LRMDA: variants seen among roughly 807,000 people sequenced by gnomAD.
LRMDA encodes leucine-rich melanocyte differentiation-associated protein.
Under a neutral mutation model 29.8 loss-of-function variants are expected in LRMDA, and 18 were observed. The observed-to-expected ratio is 0.60, with a 90% CI of 0.42 to 0.90. The LOEUF (loss-of-function observed/expected upper bound fraction) is 0.90, where lower values mean the gene tolerates loss of function less well. Among genes scored for constraint, LRMDA ranks in the 40% least tolerant of loss-of-function variants. The pLI, the probability that LRMDA is intolerant of heterozygous loss-of-function variation, is 0.00. For missense variants in LRMDA, 273 were observed against 273.9 expected, an observed-to-expected ratio of 1.00 and a Z score of 0.02; for synonymous variants, 125 against 109.4, an observed-to-expected ratio of 1.14 and a Z score of -0.89.
At chr10:76,377,620 A>G (rs1324750276) in intron 6 of LRMDA, among the ~76,000 whole-genome samples, 1 of 152,186 alleles carries the variant, frequency 6.6e-6, no homozygotes, top group Non-Finnish European at 1.5e-5. Context: ...TCCCAGCACC[A>G]TTTATTAAAT....
intron 6 of LRMDA, among the ~76,000 whole-genome samples, chr10:76,378,858 C>T (rs367820266): frequency 1.6e-3 from 188 of 118,828 alleles, no homozygotes; most frequent in Non-Finnish European, 1.8e-3. Context: ...CTTTTTTTTT[C>T]TTTTTTTTTT....
At chr10:75,547,718 G>A (rs1840096316) in intron 2 of LRMDA, among the ~76,000 whole-genome samples, 1 of 152,142 alleles carries the variant, frequency 6.6e-6, no homozygotes, top group African/African-American at 2.4e-5. Flanking sequence ...AAAAAGAAAG[G>A]TGGGCTGTTA....
At chr10:75,690,591 A>G (rs1842132778) in intron 2 of LRMDA, among the ~76,000 whole-genome samples, 2 of 152,100 alleles carry the variant, frequency 1.3e-5, no homozygotes, top group African/African-American at 2.4e-5. Flanking sequence ...TGGGGATTAC[A>G]TGCGTGAGCC....
At chr10:76,318,210 C>T (rs1047371571) in intron 5 of LRMDA, 2 of 152,094 alleles carry the variant, frequency 1.3e-5, no homozygotes, top group African/African-American at 4.8e-5. Flanking sequence ...ATGTAATAGC[C>T]CATAAAATGC....
At chr10:75,945,521 G>A (rs1409183419) in intron 2 of LRMDA, among the ~76,000 whole-genome samples, 1 of 152,120 alleles carries the variant, frequency 6.6e-6, no homozygotes, top group Non-Finnish European at 1.5e-5. Flanking sequence ...TCTGTTAAGG[G>A]CCAGCTTCCA....
At chr10:76,553,155 C>G (rs1290900335) in intron 6 of LRMDA, among the ~76,000 whole-genome samples, 2 of 152,148 alleles carry the variant, frequency 1.3e-5, no homozygotes, top group East Asian at 1.9e-4. Flanking sequence ...GGATGTTGCC[C>G]TGTCATTTTT....
At chr10:75,913,933 T>G (rs976932012) in intron 2 of LRMDA, among the ~76,000 whole-genome samples, 11 of 152,214 alleles carry the variant, frequency 7.2e-5, no homozygotes, top group African/African-American at 2.7e-4. Flanking sequence ...TGCCCCGCCG[T>G]GGGGGTAAGT....
intron 2 of LRMDA, among the ~76,000 whole-genome samples, chr10:75,497,178 G>A (rs1845055882): frequency 1.3e-5 from 2 of 152,058 alleles, no homozygotes; most frequent in South Asian, 2.1e-4. Flanking sequence ...ACAGCTCCAT[G>A]GTTTCCAAGA....
chr10:75,916,658 C>G (rs1845940557), intron 2 of LRMDA, among the ~76,000 whole-genome samples: 1 of 152,122 alleles, frequency 6.6e-6, no homozygotes, highest in Non-Finnish European at 1.5e-5. Context: ...GGGAAGTAAC[C>G]TGTGGCTTAT....
chr10:76,538,492 TTATA>T (rs58014799), intron 6 of LRMDA, among the ~76,000 whole-genome samples: 1 of 138,952 alleles, frequency 7.2e-6, no homozygotes, highest in Non-Finnish European at 1.6e-5. Context: ...ATTTATATAG[TTATA>T]TATGTATATA....
At chr10:76,423,844 AT>A (rs1430822097) in intron 6 of LRMDA, among the ~76,000 whole-genome samples, 2 of 152,168 alleles carry the variant, frequency 1.3e-5, no homozygotes, top group African/African-American at 4.8e-5. Flanking sequence ...ATGACTAGGA[AT>A]CACCTTCTCA....
chr10:76,092,672 C>T (rs572664536), intron 5 of LRMDA, among the ~76,000 whole-genome samples: 1 of 152,286 alleles, frequency 6.6e-6, no homozygotes, highest in Non-Finnish European at 1.5e-5. Context: ...TTGGATAATA[C>T]TGTATCTTTG....
At chr10:75,730,459 C>T (rs927533902) in intron 2 of LRMDA, among the ~76,000 whole-genome samples, 2 of 152,190 alleles carry the variant, frequency 1.3e-5, no homozygotes, top group Non-Finnish European at 2.9e-5. Context: ...GGTGCTCTAG[C>T]ACTCTGAGGA....
chr10:75,547,976 G>A (rs1440705936), intron 2 of LRMDA, among the ~76,000 whole-genome samples: 2 of 152,052 alleles, frequency 1.3e-5, no homozygotes, highest in Non-Finnish European at 2.9e-5. Context: ...CACAAGAAGA[G>A]GGCTTATTTT....
chr10:75,900,731 T>C (rs1274679688), intron 2 of LRMDA, among the ~76,000 whole-genome samples: 2 of 152,196 alleles, frequency 1.3e-5, no homozygotes, highest in Non-Finnish European at 2.9e-5. Context: ...TTCTGAATCT[T>C]GATTGGAATT....
chr10:75,689,838 T>G (rs989380620), intron 2 of LRMDA, among the ~76,000 whole-genome samples: 1 of 152,208 alleles, frequency 6.6e-6, no homozygotes, highest in Non-Finnish European at 1.5e-5. Flanking sequence ...CACTGGTCCT[T>G]TCCAGGCTGC....
At chr10:76,270,375 G>C (rs1296598453) in intron 5 of LRMDA, 1 of 152,268 alleles carries the variant, frequency 6.6e-6, no homozygotes, top group Admixed American at 6.5e-5. Context: ...GGGTTCGCTA[G>C]AGGAAAGGCA....
intron 5 of LRMDA, among the ~76,000 whole-genome samples, chr10:76,196,112 G>A (rs149613941): frequency 2.0e-5 from 3 of 152,304 alleles, no homozygotes; most frequent in Middle Eastern, 3.4e-3. Flanking sequence ...ACTAAGAATT[G>A]TACTGGTGGT....
chr10:76,446,150 ATG>A (rs1842352398), intron 6 of LRMDA, among the ~76,000 whole-genome samples: 2 of 152,148 alleles, frequency 1.3e-5, no homozygotes, highest in African/African-American at 4.8e-5. Flanking sequence ...CCTTTTAACA[ATG>A]TGTTTTTATT....
Sources: allele counts gnomAD v4.1 joint callset (sites outside exome capture counted in the v4.1 genomes callset), GRCh38; gene constraint gnomAD v4.1.1; transcripts MANE v1.5; gene names NCBI Gene and HGNC (gene_info 2026-07-23, HGNC 2026-07-21).